NELL1: variants seen among roughly 807,000 people sequenced by gnomAD.
The protein encoded by NELL1 is protein kinase C-binding protein NELL1.
A neutral mutation model predicts 107.4 loss-of-function variants in NELL1; 76 were observed. The ratio of observed to expected loss-of-function variants is 0.71; its 90% CI spans 0.59 to 0.86. The LOEUF (loss-of-function observed/expected upper bound fraction) is 0.86. NELL1 is among the 40% of genes least tolerant of loss of function. NELL1 has a pLI of 0.00. For missense variants in NELL1, 1,024 were observed against 1,005.5 expected, an observed-to-expected ratio of 1.02 and a Z score of -0.25; for synonymous variants, 353 against 341.2, an observed-to-expected ratio of 1.03 and a Z score of -0.38.
In NELL1 at chr11:20,864,302, A is replaced by C. The variant is rs558688334; in HGVS notation, c.506+16549A>C. Among the ~76,000 whole-genome samples, 5 of 152,302 alleles carry C rather than the reference A, an allele frequency of 3.3e-5. No homozygotes were observed. In the South Asian group the frequency reaches 8.3e-4, roughly 25 times the overall value. On this transcript the variant is annotated intron_variant, in intron 4 of 19. Coordinates refer to ENST00000357134, the MANE Select transcript of NELL1 (RefSeq NM_006157.5). ...AGATGCATTCTCTCACATAGTAATA[A>C]ATTTTGTGGTAAGAACACAACATCT...
chr11:20,744,030 A>G (rs1855948334), intron 2 of NELL1, among the ~76,000 whole-genome samples: 1 of 152,154 alleles, frequency 6.6e-6, no homozygotes, highest in Non-Finnish European at 1.5e-5. Flanking sequence ...CATCTAGTCT[A>G]TTGATTAGTA....
At chr11:21,491,603 TTG>T (rs1227534822) in intron 15 of NELL1, among the ~76,000 whole-genome samples, 1 of 152,138 alleles carries the variant, frequency 6.6e-6, no homozygotes. Context: ...TACTGTAGCT[TTG>T]TAGTATAGTT....
At chr11:21,252,417 AC>A (rs1858662804) in intron 14 of NELL1, among the ~76,000 whole-genome samples, 1 of 152,150 alleles carries the variant, frequency 6.6e-6, no homozygotes, top group African/African-American at 2.4e-5. Context: ...AGAAGCACAG[AC>A]CAGAGACTTG....
intron 12 of NELL1, among the ~76,000 whole-genome samples, chr11:20,975,894 A>AATCACACATATATG (rs1564995557): frequency 3.2e-5 from 4 of 125,150 alleles, no homozygotes; most frequent in African/African-American, 6.4e-5. Flanking sequence ...TGTATTATAT[A>AATCACACATATATG]TACATATATG....
chr11:21,182,232 G>A (rs770247524), intron 13 of NELL1, among the ~76,000 whole-genome samples: 12 of 151,702 alleles, frequency 7.9e-5, no homozygotes, highest in East Asian at 1.9e-4. Flanking sequence ...TCATGAGTTC[G>A]AGAGCAGCCT....
chr11:21,080,772 A>G (rs895753774), intron 12 of NELL1, among the ~76,000 whole-genome samples: 14 of 152,100 alleles, frequency 9.2e-5, no homozygotes, highest in Admixed American at 7.2e-4. Flanking sequence ...CTTGCCTTCC[A>G]AAGAATTTGT....
At chr11:21,146,928 C>A (rs766565686) in intron 13 of NELL1, among the ~76,000 whole-genome samples, 14 of 152,106 alleles carry the variant, frequency 9.2e-5, no homozygotes, top group Admixed American at 2.0e-4. Context: ...ACTGTAGTCC[C>A]AGCCACTTGG....
chr11:21,447,606 CT>C (rs1362276581), intron 15 of NELL1, among the ~76,000 whole-genome samples: 2 of 152,182 alleles, frequency 1.3e-5, no homozygotes, highest in African/African-American at 2.4e-5. Context: ...CGACTTTTCT[CT>C]TCCCTCTCCT....
intron 13 of NELL1, chr11:21,169,868 C>A: frequency 1.4e-6 from 2 of 1,410,038 alleles, no homozygotes; most frequent in Non-Finnish European, 2.0e-6. Context: ...GGAAGAGTTG[C>A]CATGTCACCC....
At chr11:20,719,520 G>A (rs1335028147) in intron 2 of NELL1, among the ~76,000 whole-genome samples, 2 of 152,092 alleles carry the variant, frequency 1.3e-5, no homozygotes. Flanking sequence ...GTGATTTAAT[G>A]GAACAGACAT....
chr11:20,971,058 G>T (rs1851490611), intron 12 of NELL1, among the ~76,000 whole-genome samples: 1 of 152,120 alleles, frequency 6.6e-6, no homozygotes, highest in Non-Finnish European at 1.5e-5. Context: ...CAGTCAGGCT[G>T]CATCTGATTC....
intron 13 of NELL1, among the ~76,000 whole-genome samples, chr11:21,217,590 G>C (rs369968650): frequency 2.6e-5 from 4 of 152,152 alleles, no homozygotes; most frequent in African/African-American, 7.2e-5. Context: ...AGTTTCAGAA[G>C]TACAACCTAT....
intron 14 of NELL1, among the ~76,000 whole-genome samples, chr11:21,248,542 A>G (rs950287685): frequency 1.3e-5 from 2 of 152,076 alleles, no homozygotes; most frequent in Admixed American, 1.3e-4. Flanking sequence ...TTCCTGAGGT[A>G]GAGTCTGGGG....
Position 20,789,897 on chromosome 11 carries a change from C to T in NELL1, c.335+6067C>T, listed in dbSNP as rs570616894. On this transcript the variant is annotated intron_variant, in intron 3 of 19. Coordinates refer to ENST00000357134, the MANE Select transcript of NELL1 (RefSeq NM_006157.5). ...TAGAGTGGGTGGCTTCTCTCTGCAG[C>T]GGGTTATCCTGATGTCTGCTTAAGT... is the stretch of plus-strand genomic sequence containing the variant. 4.6e-5 allele frequency among the ~76,000 whole-genome samples: 7 copies of T among 152,262 alleles called. No individual in the cohort carries two copies. In the East Asian group the frequency reaches 7.8e-4, roughly 17 times the overall value.
At position 21,093,455 on chromosome 11, in the gene NELL1, T is replaced by C. The variant is rs115903999; in HGVS notation, c.1301-20134T>C. On this transcript the variant is annotated intron_variant, in intron 12 of 19. Coordinates refer to ENST00000357134, the MANE Select transcript of NELL1 (RefSeq NM_006157.5). ...CCCAACAAAGATTGTACTTGTCAACTGAACCATACACTGCCAGGTTCGTCA... is the reference window on the plus strand; with the variant it reads ...CCCAACAAAGATTGTACTTGTCAACCGAACCATACACTGCCAGGTTCGTCA... Among the ~76,000 whole-genome samples, 1,438 of 152,312 alleles carry C rather than the reference T, an allele frequency of 9.4e-3. 20 individuals carry two copies. Among genetic ancestry groups the C allele is most frequent in the African/African-American group, 0.032 (1,346 of 41,552 alleles).
chr11:21,131,283 TG>T (rs1438607674), intron 13 of NELL1, among the ~76,000 whole-genome samples: 1 of 152,218 alleles, frequency 6.6e-6, no homozygotes, highest in Non-Finnish European at 1.5e-5. Context: ...GGATTATTTA[TG>T]TTTAGAAGCA....
At chr11:21,514,434 A>T (rs981119656) in intron 15 of NELL1, among the ~76,000 whole-genome samples, 5 of 152,210 alleles carry the variant, frequency 3.3e-5, no homozygotes, top group African/African-American at 1.2e-4. Context: ...CAGAATTCTA[A>T]ATCTGTCAAG....
chr11:20,696,129 AC>A (rs573918257), intron 2 of NELL1, among the ~76,000 whole-genome samples: 77 of 151,598 alleles, frequency 5.1e-4, no homozygotes, highest in African/African-American at 1.8e-3. Context: ...TTGAAATGTC[AC>A]CTTTGTTGTT....
At chr11:20,945,224 G>A (rs1353370759) in intron 10 of NELL1, among the ~76,000 whole-genome samples, 1 of 152,188 alleles carries the variant, frequency 6.6e-6, no homozygotes, top group Non-Finnish European at 1.5e-5. Context: ...AGATGGAGAA[G>A]GGGAAGAAAC....
Sources: gnomAD v4.1 joint callset for allele counts (sites outside exome capture counted in the v4.1 genomes callset) on GRCh38, gnomAD v4.1.1 for gene constraint, MANE v1.5 for transcripts, NCBI Gene and HGNC (gene_info 2026-07-23, HGNC 2026-07-21) for gene names.